Variants in FMNL2 observed in about 807,000 individuals in gnomAD.
The protein encoded by FMNL2 is formin-like protein 2.
Under a neutral mutation model 130.2 loss-of-function variants are expected in FMNL2, and 51 were observed. The ratio of observed to expected loss-of-function variants is 0.39; its 90% CI spans 0.31 to 0.49. The LOEUF is 0.49. Ranked by LOEUF, FMNL2 falls within the 20% of genes least tolerant of loss-of-function variation. The pLI is 0.85. For synonymous variants in FMNL2, 465 were observed against 467.1 expected (o/e 1.00, Z 0.06); for missense variants, 977 against 1,316.2 (o/e 0.74, Z 3.99).
chr2:152,585,008 A>G (rs1206378524), intron 9 of FMNL2, among the ~76,000 whole-genome samples: 1 of 152,200 alleles, frequency 6.6e-6, no homozygotes, highest in African/African-American at 2.4e-5. Flanking sequence ...ACATGGCTTC[A>G]ATGTACATGA....
chr2:152,446,637 C>T (rs1402826069), intron 1 of FMNL2, among the ~76,000 whole-genome samples: 1 of 152,056 alleles, frequency 6.6e-6, no homozygotes, highest in African/African-American at 2.4e-5. Context: ...TTAGGGAATT[C>T]AACTGGATAA....
At chr2:152,465,453 C>G (rs945281256) in intron 1 of FMNL2, among the ~76,000 whole-genome samples, 18 of 152,152 alleles carry the variant, frequency 1.2e-4, no homozygotes, top group African/African-American at 4.3e-4. Context: ...GGGACAAAGG[C>G]ACAGGGAAGG....
At chr2:152,555,374 A>G (rs1695147213) in intron 4 of FMNL2, among the ~76,000 whole-genome samples, 1 of 152,134 alleles carries the variant, frequency 6.6e-6, no homozygotes, top group Non-Finnish European at 1.5e-5. Context: ...TTCCCAACAT[A>G]TGTCTGTAGG....
chr2:152,375,905 T>C (rs1261725061), intron 1 of FMNL2, among the ~76,000 whole-genome samples: 1 of 129,454 alleles, frequency 7.7e-6, no homozygotes, highest in African/African-American at 2.8e-5. Flanking sequence ...ATAATTATTA[T>C]TATTTTTTGA....
chr2:152,553,758 C>T (rs192586957), intron 4 of FMNL2, among the ~76,000 whole-genome samples: 4 of 151,146 alleles, frequency 2.6e-5, no homozygotes, highest in South Asian at 4.2e-4. Flanking sequence ...AATATTAATA[C>T]ATTATAAATT....
intron 1 of FMNL2, among the ~76,000 whole-genome samples, chr2:152,503,021 TG>T (rs1194230306): frequency 1.6e-4 from 24 of 152,302 alleles, no homozygotes; most frequent in Non-Finnish European, 2.6e-4. Context: ...CTGATCTTCC[TG>T]TTGCATGGCA....
intron 1 of FMNL2, among the ~76,000 whole-genome samples, chr2:152,419,346 A>G (rs1686783769): frequency 6.6e-6 from 1 of 152,170 alleles, no homozygotes; most frequent in Non-Finnish European, 1.5e-5. Context: ...GTATGCTATT[A>G]TTGTATTTAC....
intron 6 of FMNL2, among the ~76,000 whole-genome samples, chr2:152,573,986 T>C (rs1460785802): frequency 6.6e-6 from 1 of 152,222 alleles, no homozygotes; most frequent in Non-Finnish European, 1.5e-5. Context: ...GTTTGGGAAG[T>C]AGAATATTAT....
chr2:152,609,453 A>G (rs1217311505), intron 10 of FMNL2, among the ~76,000 whole-genome samples: 3 of 152,168 alleles, frequency 2.0e-5, no homozygotes. Flanking sequence ...CTCATAACAT[A>G]TAATATAAAT....
chr2:152,560,615 A>G (rs1695468820), intron 5 of FMNL2, among the ~76,000 whole-genome samples: 1 of 152,230 alleles, frequency 6.6e-6, no homozygotes, highest in South Asian at 2.1e-4. Flanking sequence ...CTTATAAAAT[A>G]AAATACAAAT....
intron 1 of FMNL2, among the ~76,000 whole-genome samples, chr2:152,345,401 A>G (rs1330308494): frequency 6.6e-6 from 1 of 152,208 alleles, no homozygotes; most frequent in Non-Finnish European, 1.5e-5. Flanking sequence ...TATGATAACT[A>G]ATAGCAGGAG....
intron 6 of FMNL2, among the ~76,000 whole-genome samples, chr2:152,564,815 T>C (rs2105622919): frequency 6.9e-6 from 1 of 145,792 alleles, no homozygotes; most frequent in East Asian, 2.0e-4. Context: ...ATTCTAATGT[T>C]GACACACATT....
intron 2 of FMNL2, among the ~76,000 whole-genome samples, chr2:152,528,809 T>C (rs1189073852): frequency 6.6e-6 from 1 of 152,146 alleles, no homozygotes; most frequent in East Asian, 1.9e-4. Flanking sequence ...TTGTTGGCCA[T>C]TGGGGGTCAA....
At chr2:152,554,385 C>T (rs1393225162) in intron 4 of FMNL2, among the ~76,000 whole-genome samples, 4 of 152,170 alleles carry the variant, frequency 2.6e-5, no homozygotes, top group Non-Finnish European at 5.9e-5. Context: ...TCAGCCTCAG[C>T]AACAAAGTAA....
chr2:152,539,350 G>T, intron 2 of FMNL2: 1 of 162,520 alleles, frequency 6.2e-6, no homozygotes, highest in South Asian at 1.6e-4. Context: ...AGGGTGGGTG[G>T]AATCAAGAGT....
intron 20 of FMNL2, 112 bp from the exon 21 acceptor site, chr2:152,631,896 T>C: frequency 8.3e-7 from 1 of 1,203,570 alleles, no homozygotes; most frequent in Non-Finnish European, 1.1e-6. Flanking sequence ...CTCCAGCCTG[T>C]TGGGCGACTG....
chr2:152,535,213 T>A (rs1327099530), intron 2 of FMNL2, among the ~76,000 whole-genome samples: 3 of 151,642 alleles, frequency 2.0e-5, no homozygotes, highest in Admixed American at 6.6e-5. Context: ...TTACTAGAAC[T>A]CAGCTAAACC....
At chr2:152,350,822 A>C (rs935049093) in intron 1 of FMNL2, among the ~76,000 whole-genome samples, 8 of 152,224 alleles carry the variant, frequency 5.3e-5, no homozygotes, top group Non-Finnish European at 1.2e-4. Flanking sequence ...AGGTGGGCAG[A>C]TCACTTGAGG....
intron 1 of FMNL2, among the ~76,000 whole-genome samples, chr2:152,346,768 C>G (rs1363716724): frequency 6.6e-6 from 1 of 152,058 alleles, no homozygotes; most frequent in Non-Finnish European, 1.5e-5. Flanking sequence ...TTACCTGATC[C>G]TCTTTTAAAA....
Sources: gnomAD v4.1 joint callset for allele counts (sites outside exome capture counted in the v4.1 genomes callset) on GRCh38, gnomAD v4.1.1 for gene constraint, MANE v1.5 for transcripts, NCBI Gene and HGNC (gene_info 2026-07-23, HGNC 2026-07-21) for gene names.